XYLT1: variants seen among roughly 807,000 people sequenced by gnomAD.
XYLT1 encodes the protein beta-D-xylosyltransferase 1.
XYLT1 carries 36 observed loss-of-function variants against 91.3 expected under a neutral mutation model. That is an observed-to-expected ratio of 0.39 (90% CI 0.30 to 0.52). XYLT1 has a LOEUF of 0.52. Ranked by LOEUF, XYLT1 falls within the 20% of genes least tolerant of loss-of-function variation. The probability of loss-of-function intolerance (pLI) is 0.68; values close to 1 mark genes in which losing one functional copy is unlikely to be tolerated. For missense variants in XYLT1, 1,242 were observed against 1,284.5 expected, an observed-to-expected ratio of 0.97 and a Z score of 0.51; for synonymous variants, 588 against 532.0, an observed-to-expected ratio of 1.11 and a Z score of -1.45.
At chr16:17,141,453 A>T in intron 6 of XYLT1, 84 bp from the exon 7 acceptor site, 2 of 1,326,780 alleles carry the variant, frequency 1.5e-6, no homozygotes, top group Non-Finnish European at 1.0e-6. Flanking sequence ...CAACACAATC[A>T]TAGCGATGAT....
At chr16:17,135,079 A>G (rs2030661349) in intron 8 of XYLT1, among the ~76,000 whole-genome samples, 1 of 152,224 alleles carries the variant, frequency 6.6e-6, no homozygotes, top group Admixed American at 6.5e-5. Flanking sequence ...CAGGCTAGTA[A>G]TCTAGGGCAA....
chr16:17,412,514 C>T (rs971114501), intron 1 of XYLT1, among the ~76,000 whole-genome samples: 1 of 133,668 alleles, frequency 7.5e-6, no homozygotes, highest in Non-Finnish European at 1.5e-5. Context: ...ACCGTGGTAA[C>T]CAAATTCAAA....
intron 3 of XYLT1, chr16:17,249,971 C>G (rs2141746700): frequency 6.6e-6 from 1 of 152,430 alleles, no homozygotes; most frequent in African/African-American, 2.4e-5. Context: ...CCACCACACA[C>G]AGCCTGTAGG....
intron 1 of XYLT1, among the ~76,000 whole-genome samples, chr16:17,367,913 A>G (rs1317350960): frequency 2.0e-5 from 3 of 152,160 alleles, no homozygotes; most frequent in Non-Finnish European, 4.4e-5. Context: ...TCAGTGTAGA[A>G]TGTCAGTTTT....
intron 9 of XYLT1, 134 bp downstream of exon 9, chr16:17,134,339 G>A (rs2030620378): frequency 8.0e-7 from 1 of 1,254,806 alleles, no homozygotes; most frequent in Non-Finnish European, 1.1e-6. Context: ...ATGAGTTTTG[G>A]GCAAAGGAAG....
At chr16:17,233,273 G>C (rs2033195863) in intron 3 of XYLT1, among the ~76,000 whole-genome samples, 2 of 152,160 alleles carry the variant, frequency 1.3e-5, no homozygotes, top group Admixed American at 1.3e-4. Context: ...GAAAATGGGA[G>C]GTGGCACCAG....
chr16:17,468,349 GA>G (rs1445277328), intron 1 of XYLT1, among the ~76,000 whole-genome samples: 1 of 151,688 alleles, frequency 6.6e-6, no homozygotes, highest in Non-Finnish European at 1.5e-5. Flanking sequence ...CAGCCACCAA[GA>G]AGAGAAGAGA....
chr16:17,469,413 A>T (rs529291092), intron 1 of XYLT1, among the ~76,000 whole-genome samples: 1 of 152,208 alleles, frequency 6.6e-6, no homozygotes, highest in African/African-American at 2.4e-5. Flanking sequence ...CCCCTGGAGA[A>T]CTGAGACCTT....
At chr16:17,436,701 C>T (rs140845545) in intron 1 of XYLT1, among the ~76,000 whole-genome samples, 1 of 152,290 alleles carries the variant, frequency 6.6e-6, no homozygotes, top group East Asian at 1.9e-4. Flanking sequence ...TAAGACATGA[C>T]CTCAATACAA....
intron 2 of XYLT1, among the ~76,000 whole-genome samples, chr16:17,345,986 T>G: frequency 6.6e-6 from 1 of 152,054 alleles, no homozygotes; most frequent in East Asian, 1.9e-4. Context: ...AATTTTTGTA[T>G]TTTTAGTAAA....
At chr16:17,451,115 T>C (rs1009351002) in intron 1 of XYLT1, among the ~76,000 whole-genome samples, 1 of 152,232 alleles carries the variant, frequency 6.6e-6, no homozygotes, top group African/African-American at 2.4e-5. Flanking sequence ...TTTTTGCAAG[T>C]GTTCAAGTTC....
chr16:17,248,723 G>A (rs2141744779), intron 3 of XYLT1, among the ~76,000 whole-genome samples: 1 of 149,730 alleles, frequency 6.7e-6, no homozygotes, highest in East Asian at 2.0e-4. Flanking sequence ...CCCCAGAATT[G>A]CTGTTGCAAT....
chr16:17,134,046 A>G (rs2030607753), intron 9 of XYLT1, among the ~76,000 whole-genome samples: 1 of 152,226 alleles, frequency 6.6e-6, no homozygotes, highest in Non-Finnish European at 1.5e-5. Context: ...AAATGAAACA[A>G]GATCAGCCCC....
chr16:17,380,242 C>T (rs1197078755), intron 1 of XYLT1, among the ~76,000 whole-genome samples: 1 of 152,166 alleles, frequency 6.6e-6, no homozygotes, highest in Non-Finnish European at 1.5e-5. Context: ...GAGCTGAGAT[C>T]ATGCCACTGA....
At chr16:17,163,952 C>T (rs1471110138) in intron 5 of XYLT1, among the ~76,000 whole-genome samples, 2 of 140,240 alleles carry the variant, frequency 1.4e-5, no homozygotes, top group South Asian at 2.3e-4. Context: ...GCAGGAGAAT[C>T]GCTTGAACCC....
intron 1 of XYLT1, among the ~76,000 whole-genome samples, chr16:17,405,908 A>C (rs8054100): frequency 6.6e-6 from 1 of 152,010 alleles, no homozygotes; most frequent in Admixed American, 6.6e-5. Flanking sequence ...TATTCAGCTG[A>C]GACTGGTGAC....
chr16:17,416,746 A>G (rs1223159490), intron 1 of XYLT1, among the ~76,000 whole-genome samples: 2 of 152,206 alleles, frequency 1.3e-5, no homozygotes, highest in African/African-American at 4.8e-5. Flanking sequence ...GGCTGCCTCC[A>G]CCAGGGGTTG....
chr16:17,397,437 C>T (rs568084254), intron 1 of XYLT1, among the ~76,000 whole-genome samples: 4 of 152,238 alleles, frequency 2.6e-5, no homozygotes, highest in South Asian at 2.1e-4. Flanking sequence ...ACCGCCTTTC[C>T]GGCTTCTATT....
chr16:17,465,143 CAAAAAAA>C (rs35623153), intron 1 of XYLT1, among the ~76,000 whole-genome samples: 24 of 35,886 alleles, frequency 6.7e-4, no homozygotes, highest in South Asian at 3.5e-3. Context: ...GATGCTGTCT[CAAAAAAA>C]AAAAAAAAAA....
Sources: gnomAD v4.1 joint callset for allele counts (sites outside exome capture counted in the v4.1 genomes callset) on GRCh38, gnomAD v4.1.1 for gene constraint, MANE v1.5 for transcripts, NCBI Gene and HGNC (gene_info 2026-07-23, HGNC 2026-07-21) for gene names.